MYO5B: variants seen among roughly 807,000 people sequenced by gnomAD.
The protein encoded by MYO5B is unconventional myosin-Vb.
MYO5B carries 143 observed loss-of-function variants against 229.3 expected under a neutral mutation model. That is an observed-to-expected ratio of 0.62 (90% CI 0.54 to 0.72). The LOEUF is 0.72. Among genes scored for constraint, MYO5B ranks in the 30% least tolerant of loss-of-function variants. The probability of loss-of-function intolerance (pLI) is 0.00; values close to 1 mark genes in which losing one functional copy is unlikely to be tolerated. For missense variants in MYO5B, 2,321 were observed against 2,331.0 expected (o/e 1.00, Z 0.09); for synonymous variants, 918 against 885.2 (o/e 1.04, Z -0.66).
At chr18:50,144,569 T>G (rs1422671079) in intron 1 of MYO5B, among the ~76,000 whole-genome samples, 1 of 152,180 alleles carries the variant, frequency 6.6e-6, no homozygotes, top group Non-Finnish European at 1.5e-5. Context: ...CTCCATGAGC[T>G]ACATATACAC....
At chr18:49,987,354 A>G (rs1054954719) in intron 7 of MYO5B, among the ~76,000 whole-genome samples, 1 of 152,154 alleles carries the variant, frequency 6.6e-6, no homozygotes, top group African/African-American at 2.4e-5. Context: ...CCCTCTTAGT[A>G]AGGTACATCC....
intron 4 of MYO5B, among the ~76,000 whole-genome samples, chr18:50,033,255 C>A (rs1364253565): frequency 6.6e-6 from 1 of 152,136 alleles, no homozygotes; most frequent in Non-Finnish European, 1.5e-5. Context: ...TGACGCCCCA[C>A]TTCTGAGGTC....
chr18:49,948,659 A>T (rs78745761), intron 14 of MYO5B, among the ~76,000 whole-genome samples: 2 of 152,250 alleles, frequency 1.3e-5, no homozygotes, highest in East Asian at 3.8e-4. Flanking sequence ...AAGCAAACTT[A>T]TTTGGTCAAA....
intron 10 of MYO5B, among the ~76,000 whole-genome samples, chr18:49,966,202 C>T (rs765327686): frequency 5.3e-5 from 8 of 152,170 alleles, no homozygotes; most frequent in Non-Finnish European, 8.8e-5. Context: ...TCACCTCCCC[C>T]ATCAGGAGGA....
intron 1 of MYO5B, among the ~76,000 whole-genome samples, chr18:50,117,038 T>C (rs1387773072): frequency 6.6e-6 from 1 of 152,222 alleles, no homozygotes; most frequent in Non-Finnish European, 1.5e-5. Flanking sequence ...TGTTATGAGA[T>C]AAACATTAAC....
intron 1 of MYO5B, among the ~76,000 whole-genome samples, chr18:50,108,912 C>T (rs970271699): frequency 6.6e-6 from 1 of 152,282 alleles, no homozygotes; most frequent in African/African-American, 2.4e-5. Context: ...CCTTTCCTTT[C>T]CTCACACAAA....
intron 1 of MYO5B, among the ~76,000 whole-genome samples, chr18:50,155,808 T>C (rs529464844): frequency 6.6e-6 from 1 of 152,326 alleles, no homozygotes; most frequent in Admixed American, 6.5e-5. Context: ...CAGTAACCAC[T>C]ACAAACCAAG....
intron 9 of MYO5B, among the ~76,000 whole-genome samples, chr18:49,978,182 C>G (rs1348990160): frequency 6.6e-6 from 1 of 152,174 alleles, no homozygotes; most frequent in Non-Finnish European, 1.5e-5. Context: ...CCCTTTACCA[C>G]CTGCATCCTC....
intron 1 of MYO5B, among the ~76,000 whole-genome samples, chr18:50,124,448 A>G (rs2032122955): frequency 6.6e-6 from 1 of 152,184 alleles, no homozygotes; most frequent in Admixed American, 6.5e-5. Flanking sequence ...CTATTATGGG[A>G]GTCATCGTTC....
chr18:50,160,115 GGAT>G (rs914783432), intron 1 of MYO5B, among the ~76,000 whole-genome samples: 5 of 152,224 alleles, frequency 3.3e-5, no homozygotes, highest in African/African-American at 9.6e-5. Flanking sequence ...ACTTCCCAGC[GGAT>G]GATAAAACAC....
intron 9 of MYO5B, among the ~76,000 whole-genome samples, chr18:49,978,369 A>T (rs1392189218): frequency 6.6e-6 from 1 of 152,106 alleles, no homozygotes; most frequent in Non-Finnish European, 1.5e-5. Flanking sequence ...CAACTATAAG[A>T]TCAGAGACAC....
chr18:50,060,220 T>C (rs955357121), intron 1 of MYO5B, among the ~76,000 whole-genome samples: 3 of 152,236 alleles, frequency 2.0e-5, no homozygotes, highest in Non-Finnish European at 2.9e-5. Context: ...GTTGTAGAGA[T>C]TGCAAACAGT....
chr18:49,920,712 C>T (rs1214145471), intron 17 of MYO5B, among the ~76,000 whole-genome samples: 1 of 152,146 alleles, frequency 6.6e-6, no homozygotes, highest in African/African-American at 2.4e-5. Context: ...GCAACACATG[C>T]CTTCAGGGTA....
At chr18:50,115,523 AACACAC>A (rs111340318) in intron 1 of MYO5B, among the ~76,000 whole-genome samples, 3 of 144,808 alleles carry the variant, frequency 2.1e-5, no homozygotes, top group African/African-American at 7.6e-5. Context: ...AAATAAATAA[AACACAC>A]ACACACACAC....
At chr18:49,957,981 C>A (rs1035401222) in intron 12 of MYO5B, among the ~76,000 whole-genome samples, 1 of 152,148 alleles carries the variant, frequency 6.6e-6, no homozygotes, top group Non-Finnish European at 1.5e-5. Context: ...GGAGGCAGCT[C>A]CTTCCTCCTC....
At chr18:49,916,383 C>T (rs1200249165) in intron 17 of MYO5B, among the ~76,000 whole-genome samples, 1 of 152,126 alleles carries the variant, frequency 6.6e-6, no homozygotes, top group Non-Finnish European at 1.5e-5. Context: ...GGGGCCAGTC[C>T]CAGCCTGGAT....
intron 1 of MYO5B, among the ~76,000 whole-genome samples, chr18:50,165,221 G>A (rs1054354472): frequency 2.0e-5 from 3 of 151,338 alleles, no homozygotes; most frequent in African/African-American, 7.3e-5. Flanking sequence ...GCTCATGCCT[G>A]TAATCAATCC....
At chr18:49,834,542 T>C (rs2023962551) in intron 39 of MYO5B, among the ~76,000 whole-genome samples, 2 of 152,230 alleles carry the variant, frequency 1.3e-5, no homozygotes, top group African/African-American at 4.8e-5. Context: ...AGGAAGCTCA[T>C]GTTTAAGTAA....
Position 49,895,130 on chromosome 18 carries a change from G to C in MYO5B, c.2856C>G (p.Thr952=). 6.2e-7 allele frequency: 1 copy of C among 1,614,158 alleles called. No individual in the cohort carries two copies. Among genetic ancestry groups the C allele is most frequent in the Non-Finnish European group, 8.5e-7 (1 of 1,180,042 alleles). ...KTLSEQLSVT[T]STYTMEVERL... is the part of the protein sequence containing the mutation. ...GCTCTACCTCCATGGTGTATGTTGAGGTGGTCACGGACAACTGCTCTGAAA... is the reference window on the plus strand; with the variant it reads ...GCTCTACCTCCATGGTGTATGTTGACGTGGTCACGGACAACTGCTCTGAAA... Residue 952 remains threonine (T), a synonymous_variant, in exon 22 of 40, where the codon ACC becomes ACG. Transcript: ENST00000285039.
Sources: allele counts gnomAD v4.1 joint callset (sites outside exome capture counted in the v4.1 genomes callset), GRCh38; gene constraint gnomAD v4.1.1; transcripts MANE v1.5; gene names NCBI Gene and HGNC (gene_info 2026-07-23, HGNC 2026-07-21).